The following SLC37A3 variants were observed in gnomAD, a reference collection of about 807,000 sequenced individuals.
SLC37A3 encodes solute carrier family 37 member 3.
SLC37A3 carries 51 observed loss-of-function variants against 67.1 expected under a neutral mutation model. The observed-to-expected ratio is 0.76, with a 90% CI of 0.61 to 0.96. The LOEUF is 0.96. SLC37A3 is among the 40% of genes least tolerant of loss of function. The pLI is 0.00. For missense variants in SLC37A3, 508 were observed against 603.0 expected (o/e 0.84, Z 1.65); for synonymous variants, 214 against 231.4 (o/e 0.92, Z 0.68).
chr7:140,360,082 T>C (rs1350118169), intron 5 of SLC37A3, among the ~76,000 whole-genome samples: 1 of 152,190 alleles, frequency 6.6e-6, no homozygotes, highest in Non-Finnish European at 1.5e-5. Context: ...CGCAGGGACT[T>C]GTGCCGGTAA....
At chr7:140,362,745 C>G (rs1797397886) in intron 5 of SLC37A3, among the ~76,000 whole-genome samples, 1 of 94,738 alleles carries the variant, frequency 1.1e-5, no homozygotes, top group African/African-American at 3.9e-5. Context: ...AGCCCCCCAC[C>G]CGGCCAGCCG....
At chr7:140,351,713 C>T in intron 8 of SLC37A3, 1 of 564,806 alleles carries the variant, frequency 1.8e-6, no homozygotes, top group Non-Finnish European at 3.1e-6. Flanking sequence ...GGTTAAGTAT[C>T]TTTTTTGTGC....
intron 6 of SLC37A3, among the ~76,000 whole-genome samples, chr7:140,357,849 G>A (rs1585291432): frequency 6.6e-6 from 1 of 151,798 alleles, no homozygotes; most frequent in African/African-American, 2.4e-5. Flanking sequence ...CCTGGGAGGC[G>A]GAGGTTGCAG....
chr7:140,339,481 G>A (rs1234227362), intron 13 of SLC37A3, among the ~76,000 whole-genome samples: 3 of 151,690 alleles, frequency 2.0e-5, no homozygotes, highest in Non-Finnish European at 2.9e-5. Flanking sequence ...GGCTGGTCTC[G>A]AACTCCTGAC....
At chr7:140,348,850 A>G in intron 9 of SLC37A3, 83 bp from the exon 10 acceptor site, 2 of 1,524,936 alleles carry the variant, frequency 1.3e-6, no homozygotes, top group South Asian at 2.4e-5. Flanking sequence ...AAAGCAAAAC[A>G]AAATAAAGGA....
At chr7:140,356,022 C>T (rs1797012362) in intron 6 of SLC37A3, among the ~76,000 whole-genome samples, 2 of 151,850 alleles carry the variant, frequency 1.3e-5, no homozygotes, top group Non-Finnish European at 2.9e-5. Context: ...TGGAGAAACC[C>T]CATCTCTACT....
rs1563010653 is a variant in SLC37A3 at position 140,345,881 on chromosome 7, T to C, written c.1114A>G (p.Ile372Val). 1.2e-6 allele frequency: 2 copies of C among 1,613,396 alleles called. No homozygotes were observed. Among genetic ancestry groups the C allele is most frequent in the Admixed American group, 3.3e-5 (2 of 60,022 alleles). Residue 372 changes from isoleucine (I) to valine (V), a missense_variant, in exon 11 of 15, where the codon ATC becomes GTC. By Grantham distance (29) the Ile-to-Val change is conservative (BLOSUM62 3). Coordinates refer to ENST00000326232, the MANE Select transcript of SLC37A3 (RefSeq NM_207113.3). ...LSLLLAVGSL[I>V]GYSRSPNDKS... is the part of the protein sequence containing the mutation. ...AAAGAATACTCACGACTATACCCGA[T>C]GAGGGACCCAACTGCCAGAAGCAGA...
Position 140,372,277 on chromosome 7 carries a change from A to G in SLC37A3, c.199-2595T>C, listed in dbSNP as rs147741605. On this transcript the variant is annotated intron_variant, in intron 3 of 14. Transcript: ENST00000326232. The stretch of plus-strand genomic sequence containing the variant: ...GATACAGAAAGGGTTCTTCAATAGG[A>G]TGGGAGATGGACCAGATCATAGCCC... Among the ~76,000 whole-genome samples, 366 of 152,338 alleles carry G rather than the reference A, an allele frequency of 2.4e-3. 1 individual carries two copies. Among genetic ancestry groups the G allele is most frequent in the African/African-American group, 8.5e-3 (355 of 41,582 alleles).
chr7:140,388,129 T>C (rs1199311734), intron 1 of SLC37A3, among the ~76,000 whole-genome samples: 2 of 147,984 alleles, frequency 1.4e-5, no homozygotes, highest in East Asian at 4.0e-4. Flanking sequence ...AAAAAAAAAA[T>C]CCTTGTTAAA....
At chr7:140,385,358 GAAC>G (rs1310813726) in intron 1 of SLC37A3, among the ~76,000 whole-genome samples, 9 of 152,022 alleles carry the variant, frequency 5.9e-5, no homozygotes, top group Non-Finnish European at 1.2e-4. Flanking sequence ...ACAAAAACAA[GAAC>G]TACTAGTGTT....
chr7:140,393,772 C>T (rs1254825220), intron 1 of SLC37A3, among the ~76,000 whole-genome samples: 1 of 152,060 alleles, frequency 6.6e-6, no homozygotes, highest in African/African-American at 2.4e-5. Flanking sequence ...TAATTGTTTC[C>T]ATGTCTACTG....
chr7:140,394,640 G>C (rs1235140818), intron 1 of SLC37A3, among the ~76,000 whole-genome samples: 2 of 146,344 alleles, frequency 1.4e-5, no homozygotes, highest in African/African-American at 2.5e-5. Flanking sequence ...ACAGGGTCTC[G>C]CTCTGTCGCC....
intron 5 of SLC37A3, among the ~76,000 whole-genome samples, chr7:140,361,563 C>T (rs1431972898): frequency 1.5e-5 from 2 of 134,952 alleles, no homozygotes; most frequent in African/African-American, 5.6e-5. Flanking sequence ...CCCTCTCTCT[C>T]CACGGTCTCC....
rs1405111073 is a variant in SLC37A3 at position 140,382,474 on chromosome 7, T to C, written c.53A>G (p.His18Arg). Residue 18 changes from histidine (H) to arginine (R), a missense_variant, in exon 2 of 15, where the codon CAT becomes CGT. Physicochemically the swap from His to Arg is conservative, Grantham distance 29. Transcript: ENST00000326232. ...QRGSLLSQFS[H>R]HHVVVFLLTF... ...GAGCAGGAACACTACAACATGATGA[T>C]GGCTGAACTGGGACAGCAGAGACCC... The C allele has an allele frequency of 3.7e-6, 6 of 1,614,064 alleles. No individual in the cohort carries two copies. The highest frequency in any genetic ancestry group is 1.7e-5 in the Admixed American group (1 of 59,994).
chr7:140,378,004 A>G (rs1438191721), intron 3 of SLC37A3, among the ~76,000 whole-genome samples: 1 of 152,212 alleles, frequency 6.6e-6, no homozygotes, highest in East Asian at 1.9e-4. Context: ...AATAAATGAC[A>G]GCCACACGTA....
chr7:140,371,414 C>T (rs1337065394), intron 3 of SLC37A3, among the ~76,000 whole-genome samples: 1 of 152,120 alleles, frequency 6.6e-6, no homozygotes, highest in African/African-American at 2.4e-5. Flanking sequence ...CCTCGTGATC[C>T]ACCTGCCTCC....
rs1450110751 is a variant in SLC37A3, at chr7:140,375,885, A to G, written c.198+4397T>C. Among the ~76,000 whole-genome samples, 4 of 152,314 alleles carry G rather than the reference A, an allele frequency of 2.6e-5. No homozygotes were observed. The East Asian group carries it at 5.8e-4, about 22-fold the overall frequency. On this transcript the variant is annotated intron_variant, in intron 3 of 14. Transcript: ENST00000326232. ...ATCAAACAGTCTTTTCAGCAATGCC[A>G]ATTTGGGGCCCTAAATGTCTTCAAT... is the stretch of plus-strand genomic sequence containing the variant.
rs745333990 is a variant in SLC37A3, at chr7:140,351,381, T to C, written c.774A>G (p.Glu258=). Residue 258 remains glutamate, a synonymous_variant, in exon 9 of 15, where the codon GAA becomes GAG. Transcript: ENST00000326232. The part of the protein sequence containing the change: ...DSHRPLINGG[E]NEDEYEPNYS... The stretch of plus-strand genomic sequence containing the variant: ...AATTCGGCTCATATTCGTCTTCATT[T>C]TCACCACCATTAATTAATGGCCTGT... 17 of 1,614,110 alleles carry C rather than the reference T, an allele frequency of 1.1e-5. 1 individual carries two copies. In the Admixed American group the frequency reaches 2.7e-4, roughly 25 times the overall value.
At chr7:140,353,182 G>A (rs1399725268) in intron 7 of SLC37A3, among the ~76,000 whole-genome samples, 1 of 151,930 alleles carries the variant, frequency 6.6e-6, no homozygotes, top group Non-Finnish European at 1.5e-5. Flanking sequence ...AAGCAACAGA[G>A]GAATAAGAGG....
Sources: allele counts gnomAD v4.1 joint callset (sites outside exome capture counted in the v4.1 genomes callset), GRCh38; gene constraint gnomAD v4.1.1; transcripts MANE v1.5; gene names NCBI Gene and HGNC (gene_info 2026-07-23, HGNC 2026-07-21).